ETV7: variants seen among roughly 807,000 people sequenced by gnomAD.
The protein encoded by ETV7 is ETS variant transcription factor 7.
ETV7 carries 43 observed loss-of-function variants against 39.1 expected under a neutral mutation model. That is an observed-to-expected ratio of 1.10 (90% CI 0.86 to 1.42). ETV7 has a LOEUF of 1.42. ETV7 is among the 40% of genes most tolerant of loss of function. ETV7 has a pLI of 0.00. For missense variants in ETV7, 432 were observed against 442.3 expected (o/e 0.98, Z 0.21); for synonymous variants, 196 against 176.6 (o/e 1.11, Z -0.87).
downstream of ETV7, among the ~76,000 whole-genome samples, chr6:36,365,460 A>G (rs1772678496): frequency 6.6e-6 from 1 of 152,198 alleles, no homozygotes; most frequent in East Asian, 1.9e-4. Context: ...CAGGAGAAGG[A>G]GCCCCATTTT....
chr6:36,379,984 A>G (rs1312594476), intron 2 of ETV7, among the ~76,000 whole-genome samples: 3 of 152,204 alleles, frequency 2.0e-5, no homozygotes, highest in Non-Finnish European at 4.4e-5. Flanking sequence ...CAGTTTCATC[A>G]TCAGTGAAAC....
At chr6:36,377,323 C>T (rs1253636302) in intron 2 of ETV7, among the ~76,000 whole-genome samples, 1 of 152,048 alleles carries the variant, frequency 6.6e-6, no homozygotes, top group Admixed American at 6.6e-5. Context: ...AAAATTTAGC[C>T]GGGCATAGTG....
chr6:36,360,049 T>C (rs1772445708), intron 7 of ETV7, among the ~76,000 whole-genome samples: 1 of 152,126 alleles, frequency 6.6e-6, no homozygotes, highest in Non-Finnish European at 1.5e-5. Context: ...TGTGCCACCA[T>C]GCCCAGCTAA....
intron 2 of ETV7, among the ~76,000 whole-genome samples, chr6:36,379,092 T>C (rs1773519443): frequency 6.6e-6 from 1 of 152,324 alleles, no homozygotes; most frequent in East Asian, 1.9e-4. Context: ...GGCCACACGA[T>C]GGGCAGATTC....
Position 36,373,492 on chromosome 6 carries a change from G to A in ETV7, c.394C>T (p.Leu132=). ...CGPFFGGIFR[L]KTPTQHSPVP... ...GGAGAGTGCTGGGTGGGCGTCTTCAGCCTGAAGATCCCTCCAAAAAAGGGC... is the reference window on the plus strand; with the variant it reads ...GGAGAGTGCTGGGTGGGCGTCTTCAACCTGAAGATCCCTCCAAAAAAGGGC... The change falls in exon 4 of 8, where the codon CTG becomes TTG. Residue 132 remains leucine, a synonymous_variant. Coordinates refer to ENST00000340181, the MANE Select transcript of ETV7 (RefSeq NM_016135.4). 1 of 1,575,362 alleles carries A rather than the reference G, an allele frequency of 6.3e-7. No homozygotes were observed.
chr6:36,362,218 C>T (rs1272232997), downstream of ETV7, among the ~76,000 whole-genome samples: 1 of 152,004 alleles, frequency 6.6e-6, no homozygotes, highest in Non-Finnish European at 1.5e-5. Context: ...AGGAGAATGG[C>T]GTGAACCCGG....
At chr6:36,380,097 T>TCAAAAA (rs1773578978) in intron 2 of ETV7, among the ~76,000 whole-genome samples, 3 of 152,156 alleles carry the variant, frequency 2.0e-5, no homozygotes, top group African/African-American at 7.2e-5. Context: ...ATGTGCTTTT[T>TCAAAAA]GACACACATA....
chr6:36,384,322 G>A (rs879929622), intron 2 of ETV7, among the ~76,000 whole-genome samples: 4 of 152,196 alleles, frequency 2.6e-5, no homozygotes, highest in Non-Finnish European at 5.9e-5. Flanking sequence ...CTCAAGAGGG[G>A]AGGAAATGCC....
At chr6:36,377,444 G>C (rs1773433598) in intron 2 of ETV7, among the ~76,000 whole-genome samples, 2 of 152,216 alleles carry the variant, frequency 1.3e-5, no homozygotes, top group Non-Finnish European at 2.9e-5. Context: ...CTGGGTGACA[G>C]AGTGAGACCC....
Position 36,366,240 on chromosome 6 carries a change from G to A in ETV7, c.*405C>T. On this transcript the variant is annotated 3_prime_UTR_variant, in exon 8 of 8. Transcript: ENST00000340181. The stretch of plus-strand genomic sequence containing the variant: ...GTTACTGAGGCTGTCAGTGCCGCCT[G>A]GAAGCACTAACACTTTTTCCCATTT... The A allele has an allele frequency of 9.7e-7, 1 of 1,034,010 alleles. No individual in the cohort carries two copies. The highest frequency in any genetic ancestry group is 1.2e-6 in the Non-Finnish European group (1 of 859,346). The allele number at this position is 1,034,010 out of a possible 1,614,324, so 64.1% of individuals were successfully genotyped here.
intron 3 of ETV7, 192 bp downstream of exon 3, chr6:36,375,679 T>C (rs2127394658): frequency 1.2e-6 from 1 of 829,368 alleles, no homozygotes; most frequent in Non-Finnish European, 1.9e-6. Context: ...ATGGACTCCC[T>C]TGCTGAAGGC....
chr6:36,382,731 G>A (rs2127402103), intron 2 of ETV7, among the ~76,000 whole-genome samples: 1 of 152,284 alleles, frequency 6.6e-6, no homozygotes, highest in Admixed American at 6.5e-5. Context: ...TTGCAACTCT[G>A]AATATAGGAC....
downstream of ETV7, among the ~76,000 whole-genome samples, chr6:36,365,801 G>C (rs967739197): frequency 5.9e-5 from 9 of 152,106 alleles, no homozygotes; most frequent in Admixed American, 6.5e-5. Flanking sequence ...TCATCTTCAC[G>C]CCTGAATGCC....
At chr6:36,362,965 G>A (rs1276232911), downstream of ETV7, among the ~76,000 whole-genome samples, 1 of 152,238 alleles carries the variant, frequency 6.6e-6, no homozygotes, top group Admixed American at 6.5e-5. Flanking sequence ...GCTGAGAAGA[G>A]GAAATGAGGT....
intron 2 of ETV7, among the ~76,000 whole-genome samples, chr6:36,376,544 G>A (rs572381525): frequency 4.9e-4 from 75 of 152,276 alleles, no homozygotes; most frequent in African/African-American, 9.6e-4. Flanking sequence ...TTGGGAGGCC[G>A]AGGCGGGTGG....
chr6:36,370,289 C>G (rs146850872), intron 5 of ETV7, among the ~76,000 whole-genome samples: 3 of 152,076 alleles, frequency 2.0e-5, no homozygotes, highest in Admixed American at 6.5e-5. Flanking sequence ...AATCCCAGCA[C>G]CAAAGGAGGC....
intron 7 of ETV7, among the ~76,000 whole-genome samples, chr6:36,356,798 C>T (rs1772354437): frequency 6.6e-6 from 1 of 152,198 alleles, no homozygotes; most frequent in Non-Finnish European, 1.5e-5. Context: ...GAATGCTGGG[C>T]TGACACCTGC....
At chr6:36,379,834 C>T (rs1166993443) in intron 2 of ETV7, among the ~76,000 whole-genome samples, 5 of 150,852 alleles carry the variant, frequency 3.3e-5, no homozygotes, top group African/African-American at 9.8e-5. Flanking sequence ...TGAGATCAAG[C>T]TACCGCACTC....
chr6:36,386,471 A>C (rs1773905311), intron 1 of ETV7, among the ~76,000 whole-genome samples: 1 of 152,272 alleles, frequency 6.6e-6, no homozygotes, highest in Non-Finnish European at 1.5e-5. Context: ...TCATCCATTC[A>C]GATGAGAAAA....
Sources: allele counts gnomAD v4.1 joint callset (sites outside exome capture counted in the v4.1 genomes callset), GRCh38; gene constraint gnomAD v4.1.1; transcripts MANE v1.5; gene names NCBI Gene and HGNC (gene_info 2026-07-23, HGNC 2026-07-21).